Variants in SRCIN1 observed in about 807,000 individuals in gnomAD.
The protein encoded by SRCIN1 is P130Cas-associated protein.
In SRCIN1, 50 loss-of-function variants were observed where a neutral mutation model predicts 116.2. The observed-to-expected ratio is 0.43, with a 90% CI of 0.34 to 0.54. SRCIN1 has a LOEUF of 0.54. Ranked by LOEUF, SRCIN1 falls within the 20% of genes least tolerant of loss-of-function variation. The probability of loss-of-function intolerance (pLI) is 0.02; values close to 1 mark genes in which losing one functional copy is unlikely to be tolerated. For synonymous variants in SRCIN1, 736 were observed against 750.0 expected (o/e 0.98, Z 0.30); for missense variants, 1,446 against 1,672.0 (o/e 0.86, Z 2.36).
Position 38,559,677 on chromosome 17 carries a change from C to G in SRCIN1, c.1933G>C (p.Val645Leu). ...SSTPAGQPTAVSRLQMQLHLR... is the reference protein window; with the variant it reads ...SSTPAGQPTALSRLQMQLHLR... ...TGAAGCTGCATCTGCAGCCGGCTAA[C>G]GGCGGTAGGCTGACCTGCGGGGGTG... Residue 645 changes from valine to leucine, a missense_variant, in exon 10 of 19, where the codon GTT (valine) becomes CTT (leucine). Transcript: ENST00000617146. 1 of 1,598,166 alleles carries G rather than the reference C, an allele frequency of 6.3e-7. No homozygotes were observed.
chr17:38,574,379 C>T (rs1008473788), intron 2 of SRCIN1, among the ~76,000 whole-genome samples: 51 of 152,134 alleles, frequency 3.4e-4, no homozygotes, highest in African/African-American at 1.1e-3. Context: ...TGGCTTGATG[C>T]CCAAGTCTTC....
chr17:38,564,547 A>G (rs1264369978), intron 3 of SRCIN1, among the ~76,000 whole-genome samples: 1 of 152,084 alleles, frequency 6.6e-6, no homozygotes, highest in Non-Finnish European at 1.5e-5. Context: ...CAAAGGACCC[A>G]GGCACCCTGG....
At chr17:38,599,403 C>G (rs1908897949) in intron 1 of SRCIN1, among the ~76,000 whole-genome samples, 1 of 152,186 alleles carries the variant, frequency 6.6e-6, no homozygotes, top group African/African-American at 2.4e-5. Context: ...CCAGCAGGGT[C>G]CCCTGCACTC....
rs1906400255 is a variant in SRCIN1 at position 38,563,177 on chromosome 17, G to C, written c.740+146C>G. ...GGTGGGGGCTGAGATGGCCGAGGAAGGGGGCGGGGCGGTAGGGCTCTGGGA... is the reference window on the plus strand; with the variant it reads ...GGTGGGGGCTGAGATGGCCGAGGAACGGGGCGGGGCGGTAGGGCTCTGGGA... On this transcript the variant is annotated intron_variant, in intron 5 of 18. Coordinates refer to ENST00000617146, the MANE Select transcript of SRCIN1 (RefSeq NM_025248.3). This position sits in a 1 kb window ranked among gnomAD's most constrained non-coding sequence, Gnocchi z 5.8. The C allele has an allele frequency of 2.2e-6, 2 of 914,718 alleles. No homozygotes were observed. Among genetic ancestry groups the C allele is most frequent in the Admixed American group, 2.7e-5 (1 of 37,566 alleles). The allele number at this position is 914,718 out of a possible 1,614,324, so 56.7% of individuals were successfully genotyped here. A position where few individuals can be genotyped will look rare whatever the true frequency, so the allele number is the denominator to read the frequency against.
intron 1 of SRCIN1, among the ~76,000 whole-genome samples, chr17:38,589,265 A>G (rs1437279037): frequency 1.3e-5 from 2 of 152,230 alleles, no homozygotes; most frequent in Non-Finnish European, 2.9e-5. Context: ...GTCTACATGC[A>G]GGGGTCTACA....
chr17:38,535,818 T>A (rs1280278623), intron 18 of SRCIN1, among the ~76,000 whole-genome samples: 1 of 152,198 alleles, frequency 6.6e-6, no homozygotes, highest in Non-Finnish European at 1.5e-5. Context: ...TTCCCCCTGA[T>A]GTCTCTTCAC....
chr17:38,605,072 G>C (rs982816155), intron 1 of SRCIN1, among the ~76,000 whole-genome samples: 10 of 151,994 alleles, frequency 6.6e-5, no homozygotes, highest in South Asian at 2.1e-4. Context: ...GTGCGGGGAG[G>C]GGGGGTGTGT....
At chr17:38,592,214 A>G (rs1263082844) in intron 1 of SRCIN1, among the ~76,000 whole-genome samples, 1 of 152,180 alleles carries the variant, frequency 6.6e-6, no homozygotes, top group East Asian at 1.9e-4. Flanking sequence ...TGGGGGAATC[A>G]GCAGTGCCGT....
At chr17:38,590,644 T>C (rs1908390022) in intron 1 of SRCIN1, among the ~76,000 whole-genome samples, 1 of 152,210 alleles carries the variant, frequency 6.6e-6, no homozygotes, top group African/African-American at 2.4e-5. Context: ...GCAAACCCCC[T>C]ATTTTACAGG....
At chr17:38,554,308 G>A (rs1342331972) in intron 11 of SRCIN1, among the ~76,000 whole-genome samples, 1 of 152,158 alleles carries the variant, frequency 6.6e-6, no homozygotes, top group Non-Finnish European at 1.5e-5. Context: ...CTCAGTGCCT[G>A]GGAACTGCTC....
Position 38,563,251 on chromosome 17 carries a change from C to G in SRCIN1, c.740+72G>C. 1 of 1,520,156 alleles carries G rather than the reference C, an allele frequency of 6.6e-7. No individual in the cohort carries two copies. The highest frequency in any genetic ancestry group is 8.9e-7 in the Non-Finnish European group (1 of 1,127,542). The allele number at this position is 1,520,156 out of a possible 1,614,324, so 94.2% of individuals were successfully genotyped here. A position where few individuals can be genotyped will look rare whatever the true frequency, so the allele number is the denominator to read the frequency against. ...GGTCAGGAAGGAGCTGGGGAAGGGC[C>G]GGCGGGGTCCAGCACCCTGCAGAGG... On this transcript the variant is annotated intron_variant, in intron 5 of 18. Coordinates refer to ENST00000617146, the MANE Select transcript of SRCIN1 (RefSeq NM_025248.3). The surrounding 1 kb of genome is among the most constrained non-coding windows in gnomAD (Gnocchi z 5.8).
At chr17:38,567,344 C>T (rs1450462604) in intron 3 of SRCIN1, among the ~76,000 whole-genome samples, 1 of 152,250 alleles carries the variant, frequency 6.6e-6, no homozygotes, top group African/African-American at 2.4e-5. Context: ...GAATTCACCA[C>T]TACGCAGCCT....
At chr17:38,557,690 C>T (rs992083726) in intron 11 of SRCIN1, among the ~76,000 whole-genome samples, 1 of 152,364 alleles carries the variant, frequency 6.6e-6, no homozygotes, top group Non-Finnish European at 1.5e-5. Context: ...CGCGATTCCT[C>T]CTTCCTTCTG....
At chr17:38,593,043 T>C (rs1908525295) in intron 1 of SRCIN1, among the ~76,000 whole-genome samples, 1 of 152,078 alleles carries the variant, frequency 6.6e-6, no homozygotes, top group Non-Finnish European at 1.5e-5. Context: ...CAAGCAAAAG[T>C]AGGCTAGTGG....
At chr17:38,554,427 T>A (rs990331188) in intron 11 of SRCIN1, among the ~76,000 whole-genome samples, 2 of 152,168 alleles carry the variant, frequency 1.3e-5, no homozygotes, top group African/African-American at 4.8e-5. Context: ...TTTATAATGC[T>A]GTTTTCTCTG....
rs139045292 is a variant in SRCIN1 at position 38,588,479 on chromosome 17, C to T, written c.23-9688G>A. 3.3e-3 allele frequency among the ~76,000 whole-genome samples: 506 copies of T among 152,260 alleles called. 1 individual carries two copies. The highest frequency in any genetic ancestry group is 0.011 in the African/African-American group (467 of 41,536). ...CTCCACATCTCCTTGGAGAGGCAGC[C>T]GAGGGGAACACAGGCCGAGCGGGAG... On this transcript the variant is annotated intron_variant, in intron 1 of 18. Transcript: ENST00000617146.
intron 1 of SRCIN1, among the ~76,000 whole-genome samples, chr17:38,591,996 C>A (rs891530345): frequency 2.0e-5 from 3 of 152,246 alleles, no homozygotes; most frequent in African/African-American, 7.2e-5. Context: ...TGGAAAACCA[C>A]AAGCCCACAT....
chr17:38,532,196 T>A lies in SRCIN1; in HGVS notation c.*1101A>T, dbSNP rs2040931855. 1 of 152,318 alleles carries A rather than the reference T, an allele frequency of 6.6e-6. No individual in the cohort carries two copies. The highest frequency in any genetic ancestry group is 1.9e-4 in the East Asian group (1 of 5,182). The allele number at this position is 152,318 out of a possible 1,614,324, so 9.4% of individuals were successfully genotyped here. A position where few individuals can be genotyped will look rare whatever the true frequency, so the allele number is the denominator to read the frequency against. Reference sequence around the variant, plus strand: ...TGAAAAACTACGTCTCATCCTTTCCTGGGAAAACCCTCAAATTGCCAAGAG... The same window carrying A: ...TGAAAAACTACGTCTCATCCTTTCCAGGGAAAACCCTCAAATTGCCAAGAG... On this transcript the variant is annotated 3_prime_UTR_variant, in exon 19 of 19. Transcript: ENST00000617146. The surrounding 1 kb of genome is among the most constrained non-coding windows in gnomAD (Gnocchi z 4.3).
In SRCIN1 at chr17:38,563,752, C is replaced by T; in HGVS notation, c.542-231G>A. ...ACTGGACTCCAGGCAGTTGAAGGAA[C>T]TTGGACAAGGAAATGGAAGTGGGGG... On this transcript the variant is annotated intron_variant, in intron 4 of 18. Coordinates refer to ENST00000617146, the MANE Select transcript of SRCIN1 (RefSeq NM_025248.3). The surrounding 1 kb of genome is among the most constrained non-coding windows in gnomAD (Gnocchi z 5.8). 1 of 695,188 alleles carries T rather than the reference C, an allele frequency of 1.4e-6. No individual in the cohort carries two copies. Among genetic ancestry groups the T allele is most frequent in the Non-Finnish European group, 2.5e-6 (1 of 394,646 alleles). The allele number at this position is 695,188 out of a possible 1,614,324, so 43.1% of individuals were successfully genotyped here.
Sources: gnomAD v4.1 joint callset for allele counts (sites outside exome capture counted in the v4.1 genomes callset) on GRCh38, gnomAD v4.1.1 for gene constraint, Gnocchi (gnomAD v3.1) non-coding constraint, MANE v1.5 for transcripts, NCBI Gene and HGNC (gene_info 2026-07-23, HGNC 2026-07-21) for gene names.